Variants in ADCY3 observed in about 807,000 individuals in gnomAD.
The protein encoded by ADCY3 is adenylate cyclase type 3.
In ADCY3, 70 loss-of-function variants were observed where a neutral mutation model predicts 119.4. The ratio of observed to expected loss-of-function variants is 0.59; its 90% CI spans 0.48 to 0.72. The LOEUF (loss-of-function observed/expected upper bound fraction) is 0.72. Ranked by LOEUF, ADCY3 falls within the 30% of genes least tolerant of loss-of-function variation. The pLI, the probability that ADCY3 is intolerant of heterozygous loss-of-function variation, is 0.00. For synonymous variants in ADCY3, 672 were observed against 621.4 expected, an observed-to-expected ratio of 1.08 and a Z score of -1.21; for missense variants, 1,238 against 1,541.6, an observed-to-expected ratio of 0.80 and a Z score of 3.30.
At chr2:24,905,324 C>T (rs532314763) in intron 2 of ADCY3, among the ~76,000 whole-genome samples, 3 of 152,062 alleles carry the variant, frequency 2.0e-5, no homozygotes, top group Non-Finnish European at 4.4e-5. Context: ...TTAATAGAGA[C>T]GGGGTTTCAC....
At chr2:24,836,894 C>T in intron 9 of ADCY3, 23 bp downstream of exon 9, 2 of 1,589,230 alleles carry the variant, frequency 1.3e-6, no homozygotes, top group South Asian at 1.1e-5. Flanking sequence ...TCAGTGACCC[C>T]CTGCCCTGAG....
At chr2:24,863,346 T>G (rs1397096937) in intron 3 of ADCY3, among the ~76,000 whole-genome samples, 3 of 152,116 alleles carry the variant, frequency 2.0e-5, no homozygotes, top group Non-Finnish European at 2.9e-5. Context: ...CAGCCTACAC[T>G]TTTCTCCTGT....
intron 3 of ADCY3, among the ~76,000 whole-genome samples, chr2:24,867,770 A>G (rs772195022): frequency 1.3e-5 from 2 of 152,210 alleles, no homozygotes; most frequent in Non-Finnish European, 2.9e-5. Context: ...AGAGGGCAAA[A>G]CTGTGGGTAA....
chr2:24,840,547 A>T, intron 6 of ADCY3: 1 of 468,400 alleles, frequency 2.1e-6, no homozygotes, highest in Non-Finnish European at 4.4e-6. Flanking sequence ...AAAAATGCAA[A>T]GCCGCCCCCT....
At chr2:24,827,824 G>T in intron 14 of ADCY3, 78 bp downstream of exon 14, 2 of 1,587,620 alleles carry the variant, frequency 1.3e-6, no homozygotes, top group Non-Finnish European at 1.7e-6. Context: ...CCTCAGCACA[G>T]GCCCATGAGC....
intron 3 of ADCY3, among the ~76,000 whole-genome samples, chr2:24,854,363 A>G (rs1223009719): frequency 1.3e-5 from 2 of 152,178 alleles, no homozygotes; most frequent in African/African-American, 4.8e-5. Flanking sequence ...GGGTACAGCA[A>G]AGCTCACTGA....
At chr2:24,874,825 T>A (rs1675472993) in intron 2 of ADCY3, among the ~76,000 whole-genome samples, 1 of 152,192 alleles carries the variant, frequency 6.6e-6, no homozygotes, top group Non-Finnish European at 1.5e-5. Flanking sequence ...TGTATGTACC[T>A]ACAAGTGCAG....
At position 24,898,009 on chromosome 2, in the gene ADCY3, C is replaced by T. The variant is rs1424061397; in HGVS notation, c.675+20304G>A. On this transcript the variant is annotated intron_variant, in intron 2 of 21. Coordinates refer to ENST00000679454, the MANE Select transcript of ADCY3 (RefSeq NM_004036.5). The surrounding 1 kb of genome is among the most constrained non-coding windows in gnomAD (Gnocchi z 4.3). Reference sequence around the variant, plus strand: ...CACTGTCTACAAAATGGAGTCAGAACTGTCTCATATGGCTTTTACTCCTCC... The same window carrying T: ...CACTGTCTACAAAATGGAGTCAGAATTGTCTCATATGGCTTTTACTCCTCC... Among the ~76,000 whole-genome samples, 2 of 152,154 alleles carry T rather than the reference C, an allele frequency of 1.3e-5. No homozygotes were observed. The highest frequency in any genetic ancestry group is 2.9e-5 in the Non-Finnish European group (2 of 68,034).
intron 11 of ADCY3, among the ~76,000 whole-genome samples, chr2:24,833,300 C>A (rs1448416865): frequency 6.6e-6 from 1 of 152,166 alleles, no homozygotes; most frequent in Non-Finnish European, 1.5e-5. Context: ...TCCTGTGGCC[C>A]GTTCCCAATG....
rs74807411 is a variant in ADCY3 at position 24,852,164 on chromosome 2, G to A, written c.826-9780C>T. Among the ~76,000 whole-genome samples the A allele has an allele frequency of 6.6e-3, 1,005 of 152,284 alleles. 6 individuals are homozygous for A. The highest frequency in any genetic ancestry group is 0.011 in the Non-Finnish European group (728 of 68,020). The stretch of plus-strand genomic sequence containing the variant: ...GCGTGGGAATCAGGCAGCCCCTTCC[G>A]GTGGGTCCTTCCTCACAGAAACGGC... On this transcript the variant is annotated intron_variant, in intron 3 of 21. Coordinates refer to ENST00000679454, the MANE Select transcript of ADCY3 (RefSeq NM_004036.5).
At position 24,835,933 on chromosome 2, in the gene ADCY3, C is replaced by CAA. The variant is rs66514871; in HGVS notation, c.1662+982_1662+983dup. Among the ~76,000 whole-genome samples, 689 of 129,702 alleles carry CAA rather than the reference C, an allele frequency of 5.3e-3. 11 individuals are homozygous for CAA. Among genetic ancestry groups the CAA allele is most frequent in the African/African-American group, 0.019 (642 of 34,064 alleles). 85.1% of individuals were successfully genotyped at this position (129,702 alleles called of 152,430 possible). A position where few individuals can be genotyped will look rare whatever the true frequency, so the allele number is the denominator to read the frequency against. On this transcript the variant is annotated intron_variant, in intron 9 of 21. Coordinates refer to ENST00000679454, the MANE Select transcript of ADCY3 (RefSeq NM_004036.5). Reference sequence around the variant, plus strand: ...CCTGGGTGACAGCGTGACTCCATCTCAAAAAAAAAAAAAAAAGACTCCCTG... The same window carrying CAA: ...CCTGGGTGACAGCGTGACTCCATCTCAAAAAAAAAAAAAAAAAAGACTCCCTG...
At chr2:24,868,281 T>C (rs559414240) in intron 3 of ADCY3, among the ~76,000 whole-genome samples, 9 of 152,198 alleles carry the variant, frequency 5.9e-5, no homozygotes, top group Non-Finnish European at 1.3e-4. Flanking sequence ...AAATATGGCA[T>C]ATTAAAACTT....
chr2:24,884,151 G>A (rs190696276), intron 2 of ADCY3, among the ~76,000 whole-genome samples: 13 of 151,794 alleles, frequency 8.6e-5, no homozygotes, highest in Admixed American at 3.9e-4. Flanking sequence ...CCCTTCTGGC[G>A]TTGTTCCTGA....
intron 3 of ADCY3, among the ~76,000 whole-genome samples, chr2:24,869,284 C>T (rs972991561): frequency 6.6e-6 from 1 of 152,164 alleles, no homozygotes; most frequent in African/African-American, 2.4e-5. Context: ...AAAAACCTCT[C>T]TAAAACCTAT....
At chr2:24,891,164 C>T (rs772194958) in intron 2 of ADCY3, among the ~76,000 whole-genome samples, 7 of 152,164 alleles carry the variant, frequency 4.6e-5, no homozygotes, top group Non-Finnish European at 8.8e-5. Flanking sequence ...CCACTGCGCC[C>T]GGCCTAGACC....
chr2:24,891,032 G>C (rs1677590002), intron 2 of ADCY3, among the ~76,000 whole-genome samples: 3 of 151,930 alleles, frequency 2.0e-5, no homozygotes, highest in Non-Finnish European at 4.4e-5. Context: ...ACCACACCCA[G>C]CAATTTTTTC....
At position 24,872,621 on chromosome 2, in the gene ADCY3, G is replaced by A. The variant is rs1465098568; in HGVS notation, c.774C>T (p.Ala258=). 6.2e-6 allele frequency: 10 copies of A among 1,614,102 alleles called. No individual in the cohort carries two copies. The highest frequency in any genetic ancestry group is 1.3e-5 in the African/African-American group (1 of 74,946). The change falls in exon 3 of 22, where the codon GCC becomes GCT. Residue 258 remains alanine, a synonymous_variant. Transcript: ENST00000679454. This position sits in a 1 kb window ranked among gnomAD's most constrained non-coding sequence, Gnocchi z 4.4. ...TCATCTTCACCTCCAGCGACTGGCG[G>A]GCCTCCAGGAAGGCCTTGCGGTGCT... ...DRKHRKAFLE[A]RQSLEVKMNL...
chr2:24,822,451 G>A, intron 19 of ADCY3, 60 bp downstream of exon 19: 1 of 1,595,692 alleles, frequency 6.3e-7, no homozygotes, highest in East Asian at 2.3e-5. Flanking sequence ...CTAGGTCTGG[G>A]CTGCCAATCT....
intron 2 of ADCY3, among the ~76,000 whole-genome samples, chr2:24,891,921 A>G (rs1186886166): frequency 6.6e-6 from 1 of 152,342 alleles, no homozygotes; most frequent in South Asian, 2.1e-4. Context: ...TATGGTATAT[A>G]TAGGGTTCAG....
Sources: allele counts gnomAD v4.1 joint callset (sites outside exome capture counted in the v4.1 genomes callset), GRCh38; gene constraint gnomAD v4.1.1; non-coding constraint Gnocchi (gnomAD v3.1); transcripts MANE v1.5; gene names NCBI Gene and HGNC (gene_info 2026-07-23, HGNC 2026-07-21).